The following RBFOX3 variants were observed in gnomAD, a reference collection of about 807,000 sequenced individuals.
RBFOX3 encodes the protein RNA binding protein fox-1 homolog 3.
A neutral mutation model predicts 48.7 loss-of-function variants in RBFOX3; 17 were observed. The observed-to-expected ratio is 0.35, with a 90% CI of 0.24 to 0.52. The LOEUF (loss-of-function observed/expected upper bound fraction) is 0.52. RBFOX3 is among the 20% of genes least tolerant of loss of function. The pLI, the probability that RBFOX3 is intolerant of heterozygous loss-of-function variation, is 0.94. For missense variants in RBFOX3, 382 were observed against 497.5 expected (o/e 0.77, Z 2.21); for synonymous variants, 212 against 209.5 (o/e 1.01, Z -0.10).
chr17:79,468,989 TAGCAGATAGGCAGGCAGGCAGACAGGA>T (rs2076716398), intron 2 of RBFOX3, among the ~76,000 whole-genome samples: 1 of 143,458 alleles, frequency 7.0e-6, no homozygotes, highest in African/African-American at 2.5e-5. Flanking sequence ...GATGGATGGA[TAGCAGATAGGCAGGCAGGCAGACAGGA>T]GGATGGATGG....
chr17:79,096,274 G>A (rs2075237347), intron 12 of RBFOX3, among the ~76,000 whole-genome samples: 1 of 152,174 alleles, frequency 6.6e-6, no homozygotes, highest in African/African-American at 2.4e-5. Context: ...CAGGGGCCCT[G>A]CCTCCTGGCC....
intron 2 of RBFOX3, among the ~76,000 whole-genome samples, chr17:79,437,055 G>A (rs147864477): frequency 6.6e-6 from 1 of 152,118 alleles, no homozygotes; most frequent in East Asian, 1.9e-4. Context: ...CCTACAGGCC[G>A]CCCCGATTCC....
chr17:79,227,841 G>A (rs1374018630), intron 4 of RBFOX3, among the ~76,000 whole-genome samples: 1 of 152,190 alleles, frequency 6.6e-6, no homozygotes, highest in Admixed American at 6.5e-5. Context: ...GGCCAGCGAG[G>A]TCCTGAATTG....
chr17:79,099,409 G>A (rs1332257983), intron 9 of RBFOX3: 1 of 152,354 alleles, frequency 6.6e-6, no homozygotes, highest in Non-Finnish European at 1.5e-5. Context: ...TTACAGGCAT[G>A]AGCCACTGCA....
chr17:79,591,616 G>C (rs1043737875), intron 1 of RBFOX3, among the ~76,000 whole-genome samples: 3 of 152,154 alleles, frequency 2.0e-5, no homozygotes, highest in Non-Finnish European at 4.4e-5. Context: ...GTCCCCTCTG[G>C]AATTCAGCCC....
chr17:79,635,765 T>G, the RBFOX3 span, among the ~76,000 whole-genome samples: 3 of 151,668 alleles, frequency 2.0e-5, no homozygotes, highest in Middle Eastern at 3.4e-3. Flanking sequence ...GAACAACGAG[T>G]GGGAAAAATG....
intron 1 of RBFOX3, among the ~76,000 whole-genome samples, chr17:79,588,443 C>G (rs952882724): frequency 3.3e-5 from 5 of 152,096 alleles, no homozygotes; most frequent in African/African-American, 4.8e-5. Context: ...AGGAGCCGAG[C>G]GCAGACCTTG....
At chr17:79,128,937 G>A (rs1457720302) in intron 4 of RBFOX3, among the ~76,000 whole-genome samples, 2 of 152,198 alleles carry the variant, frequency 1.3e-5, no homozygotes, top group South Asian at 4.1e-4. Context: ...GTGAGGCTAT[G>A]ATCACAGTGA....
chr17:79,619,887 T>C, the RBFOX3 span, among the ~76,000 whole-genome samples: 1 of 152,188 alleles, frequency 6.6e-6, no homozygotes, highest in Non-Finnish European at 1.5e-5. Flanking sequence ...TCGTCCAGGT[T>C]GGAGTTCAGA....
intron 4 of RBFOX3, among the ~76,000 whole-genome samples, chr17:79,170,540 G>A (rs191611125): frequency 4.3e-4 from 66 of 152,190 alleles, no homozygotes; most frequent in Admixed American, 7.8e-4. Context: ...CGTCTGCACC[G>A]TCCTGAAGCC....
chr17:79,208,185 A>G (rs2057788596), intron 4 of RBFOX3, among the ~76,000 whole-genome samples: 1 of 152,330 alleles, frequency 6.6e-6, no homozygotes, highest in African/African-American at 2.4e-5. Context: ...TGCTGCTGGC[A>G]GTGCGGGTCT....
At chr17:79,106,179 C>A (rs1351219398) in intron 6 of RBFOX3, among the ~76,000 whole-genome samples, 2 of 151,952 alleles carry the variant, frequency 1.3e-5, no homozygotes, top group Non-Finnish European at 2.9e-5. Context: ...GGCCCCCGGG[C>A]ACACAAGAGA....
intron 1 of RBFOX3, among the ~76,000 whole-genome samples, chr17:79,487,936 G>A (rs1002322802): frequency 5.9e-5 from 4 of 68,182 alleles, no homozygotes; most frequent in East Asian, 4.9e-4. Context: ...AAAAATTCCT[G>A]GGTGACCTGA....
Position 79,099,117 on chromosome 17 carries a change from G to A in RBFOX3, c.569-1372C>T, listed in dbSNP as rs190541834. On this transcript the variant is annotated intron_variant, in intron 9 of 14. Coordinates refer to ENST00000693108, the MANE Select transcript of RBFOX3 (RefSeq NM_001350451.2). Reference sequence around the variant, plus strand: ...AAAAGATAAATCCCAGGTTAGGAAGGAAGAAACTTTTTTTGGGGGTAGGGG... The same window carrying A: ...AAAAGATAAATCCCAGGTTAGGAAGAAAGAAACTTTTTTTGGGGGTAGGGG... 4 of 152,516 alleles carry A rather than the reference G, an allele frequency of 2.6e-5. No homozygotes were observed. In the East Asian group the frequency reaches 7.7e-4, roughly 29 times the overall value. 9.4% of individuals were successfully genotyped at this position (152,516 alleles called of 1,614,324 possible). A position where few individuals can be genotyped will look rare whatever the true frequency, so the allele number is the denominator to read the frequency against.
rs1056804225 is a variant in RBFOX3 at position 79,555,973 on chromosome 17, C to A, written c.-320+54853G>T. On this transcript the variant is annotated intron_variant, in intron 1 of 14. Transcript: ENST00000693108. The stretch of plus-strand genomic sequence containing the variant: ...CCAACTACAACAATGTCACCAAAAC[C>A]CAATACCATACAGTGAAGACAGGCC... 2.0e-5 allele frequency among the ~76,000 whole-genome samples: 3 copies of A among 152,098 alleles called. No homozygotes were observed. In the East Asian group the frequency reaches 5.8e-4, roughly 29 times the overall value.
the RBFOX3 span, among the ~76,000 whole-genome samples, chr17:79,635,200 T>C: frequency 6.8e-6 from 1 of 147,776 alleles, no homozygotes; most frequent in African/African-American, 2.5e-5. Context: ...GGTAAGACAC[T>C]CCCAGAGTCT....
At chr17:79,397,367 C>T (rs929368495) in intron 2 of RBFOX3, among the ~76,000 whole-genome samples, 1 of 152,020 alleles carries the variant, frequency 6.6e-6, no homozygotes, top group Non-Finnish European at 1.5e-5. Context: ...GTGGCGCACA[C>T]CTGTAGTCCC....
intron 2 of RBFOX3, among the ~76,000 whole-genome samples, chr17:79,342,058 C>G (rs915284613): frequency 3.3e-5 from 5 of 152,394 alleles, no homozygotes; most frequent in Middle Eastern, 6.8e-3. Context: ...CCTGGCCCAA[C>G]CTGTCACCTG....
intron 9 of RBFOX3, 109 bp from the exon 10 acceptor site, chr17:79,097,854 C>T (rs762047203): frequency 1.4e-5 from 17 of 1,207,258 alleles, no homozygotes; most frequent in Non-Finnish European, 2.0e-5. Context: ...GGAACATTCC[C>T]AGGGCGCCTC....
Sources: gnomAD v4.1 joint callset for allele counts (sites outside exome capture counted in the v4.1 genomes callset) on GRCh38, gnomAD v4.1.1 for gene constraint, MANE v1.5 for transcripts, NCBI Gene and HGNC (gene_info 2026-07-23, HGNC 2026-07-21) for gene names.